The following TRAPPC9 variants were observed in gnomAD, a reference collection of about 807,000 sequenced individuals.
The protein encoded by TRAPPC9 is IKK2 binding protein.
TRAPPC9 carries 83 observed loss-of-function variants against 124.0 expected under a neutral mutation model. That is an observed-to-expected ratio of 0.67 (90% CI 0.56 to 0.80). TRAPPC9 has a LOEUF of 0.80. Ranked by LOEUF, TRAPPC9 falls within the 30% of genes least tolerant of loss-of-function variation. The pLI, the probability that TRAPPC9 is intolerant of heterozygous loss-of-function variation, is 0.00. For synonymous variants in TRAPPC9, 638 were observed against 617.5 expected (o/e 1.03, Z -0.49); for missense variants, 1,302 against 1,508.3 (o/e 0.86, Z 2.27).
chr8:140,025,799 G>A (rs552411057), intron 17 of TRAPPC9, among the ~76,000 whole-genome samples: 10 of 152,250 alleles, frequency 6.6e-5, no homozygotes, highest in African/African-American at 2.4e-4. Context: ...TTTTAGTCCC[G>A]TTTCTTCTAG....
At chr8:140,278,290 G>A (rs2065190810) in intron 14 of TRAPPC9, among the ~76,000 whole-genome samples, 1 of 152,098 alleles carries the variant, frequency 6.6e-6, no homozygotes, top group South Asian at 2.1e-4. Context: ...ATTTTTAGTA[G>A]AGATGGGATT....
chr8:140,067,485 T>C (rs1842949218), intron 17 of TRAPPC9, among the ~76,000 whole-genome samples: 1 of 152,212 alleles, frequency 6.6e-6, no homozygotes, highest in Admixed American at 6.5e-5. Context: ...CTCTTGGCAA[T>C]AGACCACCTG....
intron 2 of TRAPPC9, among the ~76,000 whole-genome samples, chr8:140,444,331 C>A: frequency 6.6e-6 from 1 of 151,838 alleles, no homozygotes; most frequent in East Asian, 1.9e-4. Context: ...TCCAACAGTC[C>A]CTCCCCCAAT....
intron 16 of TRAPPC9, among the ~76,000 whole-genome samples, chr8:140,246,667 CAATTACAGAGAACAGTTTAAA>C (rs2063994465): frequency 6.6e-6 from 1 of 152,170 alleles, no homozygotes; most frequent in Non-Finnish European, 1.5e-5. Flanking sequence ...TCTACCAAAA[CAATTACAGAGAACAGTTTAAA>C]AATTACTTTT....
At chr8:140,315,654 A>G (rs980934075) in intron 9 of TRAPPC9, among the ~76,000 whole-genome samples, 3 of 152,218 alleles carry the variant, frequency 2.0e-5, no homozygotes, top group African/African-American at 7.2e-5. Context: ...GATCTGTGAT[A>G]TAAGTGTTTT....
chr8:140,293,621 A>C (rs1392550402), intron 11 of TRAPPC9, among the ~76,000 whole-genome samples: 1 of 152,110 alleles, frequency 6.6e-6, no homozygotes, highest in Non-Finnish European at 1.5e-5. Context: ...AAAAACAAAA[A>C]ACCAAACACT....
At chr8:140,240,052 T>C (rs144155420) in intron 16 of TRAPPC9, among the ~76,000 whole-genome samples, 230 of 152,302 alleles carry the variant, frequency 1.5e-3, no homozygotes, top group South Asian at 2.9e-3. Context: ...TAAAATTAAT[T>C]CCTGACCACA....
chr8:140,152,605 T>C (rs1054964013), intron 17 of TRAPPC9, among the ~76,000 whole-genome samples: 3 of 151,910 alleles, frequency 2.0e-5, no homozygotes, highest in African/African-American at 7.2e-5. Context: ...CCTGACCTCG[T>C]GATCCACCCG....
chr8:140,210,546 C>T (rs73727528), intron 17 of TRAPPC9, among the ~76,000 whole-genome samples: 10,047 of 152,214 alleles, frequency 0.066, 323 homozygotes, highest in Middle Eastern at 0.095. Flanking sequence ...CCCCCACGCC[C>T]CCGCTAGCTT....
chr8:139,959,153 G>T (rs1350049420), intron 19 of TRAPPC9, among the ~76,000 whole-genome samples: 1 of 152,184 alleles, frequency 6.6e-6, no homozygotes, highest in Non-Finnish European at 1.5e-5. Context: ...CTTTCTGACT[G>T]GGAGCAGATC....
At chr8:140,318,100 A>C (rs1196563668) in intron 9 of TRAPPC9, among the ~76,000 whole-genome samples, 1 of 152,262 alleles carries the variant, frequency 6.6e-6, no homozygotes, top group Non-Finnish European at 1.5e-5. Flanking sequence ...TTTCTTTAAA[A>C]TAATTCAGCA....
intron 19 of TRAPPC9, among the ~76,000 whole-genome samples, chr8:139,945,226 T>C (rs1250498912): frequency 3.3e-5 from 5 of 152,070 alleles, no homozygotes; most frequent in African/African-American, 7.2e-5. Context: ...TATGAAAACT[T>C]ATGCAGGTTT....
intron 19 of TRAPPC9, among the ~76,000 whole-genome samples, chr8:139,945,855 A>G (rs1441006840): frequency 1.3e-5 from 2 of 152,254 alleles, no homozygotes; most frequent in Non-Finnish European, 2.9e-5. Context: ...TTTCAAATGC[A>G]TGAACGAAAT....
rs190289386 is a variant in TRAPPC9 at position 140,353,936 on chromosome 8, C to G, written c.1495+6114G>C. 9.8e-5 allele frequency among the ~76,000 whole-genome samples: 15 copies of G among 152,336 alleles called. No homozygotes were observed. The highest frequency in any genetic ancestry group is 3.6e-4 in the African/African-American group (15 of 41,568). On this transcript the variant is annotated intron_variant, in intron 9 of 22. Transcript: ENST00000438773. The surrounding 1 kb of genome is among the most constrained non-coding windows in gnomAD (Gnocchi z 4.2). ...CCTCCACAGCCCAGCATGCTGGAAG[C>G]TCTGACAGCGGCAGGCACAGGGCAC...
At chr8:140,364,880 C>G (rs946902375) in intron 8 of TRAPPC9, among the ~76,000 whole-genome samples, 4 of 151,862 alleles carry the variant, frequency 2.6e-5, no homozygotes, top group African/African-American at 9.7e-5. Context: ...CCACTCTTAG[C>G]CTTTTAAAAT....
At chr8:140,433,073 C>A (rs1013551972) in intron 4 of TRAPPC9, among the ~76,000 whole-genome samples, 1 of 152,090 alleles carries the variant, frequency 6.6e-6, no homozygotes, top group Non-Finnish European at 1.5e-5. Context: ...GAGGCCGAAG[C>A]GGGTGGATCA....
At chr8:139,966,326 G>T (rs552069027) in intron 19 of TRAPPC9, among the ~76,000 whole-genome samples, 4 of 152,298 alleles carry the variant, frequency 2.6e-5, no homozygotes, top group African/African-American at 9.6e-5. Flanking sequence ...GGGCCCACAA[G>T]CTCCTCTCTC....
intron 17 of TRAPPC9, among the ~76,000 whole-genome samples, chr8:140,036,347 G>A (rs1372715443): frequency 1.3e-5 from 2 of 152,156 alleles, no homozygotes; most frequent in Non-Finnish European, 2.9e-5. Context: ...GACGTGTTCG[G>A]GGGGTGGCAT....
At chr8:140,400,981 T>A (rs1240365890) in intron 6 of TRAPPC9, among the ~76,000 whole-genome samples, 1 of 152,222 alleles carries the variant, frequency 6.6e-6, no homozygotes, top group Admixed American at 6.5e-5. Flanking sequence ...TGATGTTGCA[T>A]AATTTAAAAT....
Sources: gnomAD v4.1 joint callset for allele counts (sites outside exome capture counted in the v4.1 genomes callset) on GRCh38, gnomAD v4.1.1 for gene constraint, Gnocchi (gnomAD v3.1) non-coding constraint, MANE v1.5 for transcripts, NCBI Gene and HGNC (gene_info 2026-07-23, HGNC 2026-07-21) for gene names.